Variants in PSD3 observed in about 807,000 individuals in gnomAD.
The protein encoded by PSD3 is pleckstrin and Sec7 domain containing 3.
In PSD3, 49 loss-of-function variants were observed where a neutral mutation model predicts 105.5. The ratio of observed to expected loss-of-function variants is 0.46; its 90% CI spans 0.37 to 0.59. The LOEUF (loss-of-function observed/expected upper bound fraction) is 0.59. Among genes scored for constraint, PSD3 ranks in the 20% least tolerant of loss-of-function variants. The pLI, the probability that PSD3 is intolerant of heterozygous loss-of-function variation, is 0.00. For synonymous variants in PSD3, 557 were observed against 457.8 expected, an observed-to-expected ratio of 1.22 and a Z score of -2.77; for missense variants, 1,561 against 1,263.8, an observed-to-expected ratio of 1.24 and a Z score of -3.57.
At position 18,900,813 on chromosome 8, in the gene PSD3, T is replaced by C. The variant is rs112589926; in HGVS notation, c.131-28080A>G. On this transcript the variant is annotated intron_variant, in intron 2 of 15. Transcript: ENST00000327040. ...CACCAACATGGAGATCACTTTTTAA[T>C]ACAACACATAATTTACTGGACAGAT... Among the ~76,000 whole-genome samples, 1,519 of 152,188 alleles carry C rather than the reference T, an allele frequency of 1.0e-2. 30 individuals carry two copies. The highest frequency in any genetic ancestry group is 0.035 in the African/African-American group (1,462 of 41,522).
rs192164145 is a variant in PSD3, at chr8:18,632,945, C to T, written c.2217-139G>A. ...ACCACCACCATGATAATGACAGACA[C>T]CATTTGTTAAATGTATTCTGTGTGC... On this transcript the variant is annotated intron_variant, in intron 10 of 15. Coordinates refer to ENST00000327040, the MANE Select transcript of PSD3 (RefSeq NM_015310.4). 354 of 664,890 alleles carry T rather than the reference C, an allele frequency of 5.3e-4. 1 individual carries two copies. In the African/African-American group the frequency reaches 6.2e-3, roughly 12 times the overall value. The allele number at this position is 664,890 out of a possible 1,614,324, so 41.2% of individuals were successfully genotyped here. A position where few individuals can be genotyped will look rare whatever the true frequency, so the allele number is the denominator to read the frequency against.
At chr8:18,575,434 A>G in intron 12 of PSD3, 149 bp from the exon 13 acceptor site, 1 of 717,272 alleles carries the variant, frequency 1.4e-6, no homozygotes. Flanking sequence ...AAACAACCTT[A>G]TAAATGTTAC....
intron 9 of PSD3, among the ~76,000 whole-genome samples, chr8:18,705,390 G>C (rs1801829412): frequency 6.6e-6 from 1 of 151,936 alleles, no homozygotes; most frequent in African/African-American, 2.4e-5. Context: ...AATTAGCTGG[G>C]TGTGGTGTCG....
intron 2 of PSD3, among the ~76,000 whole-genome samples, chr8:18,898,913 T>C (rs376433184): frequency 1.3e-3 from 198 of 152,236 alleles, no homozygotes; most frequent in African/African-American, 4.6e-3. Context: ...TCAGTGTAAA[T>C]GTACAGACAT....
intron 9 of PSD3, among the ~76,000 whole-genome samples, chr8:18,713,597 G>A (rs959937234): frequency 6.6e-6 from 1 of 152,054 alleles, no homozygotes; most frequent in African/African-American, 2.4e-5. Flanking sequence ...ACCTCTTCAA[G>A]GAGAACGACA....
chr8:19,072,313 C>T (rs2129477976), intron 1 of PSD3, among the ~76,000 whole-genome samples: 1 of 152,000 alleles, frequency 6.6e-6, no homozygotes, highest in South Asian at 2.1e-4. Context: ...TCTCGAACTC[C>T]TGAGCTCACG....
chr8:18,882,852 C>T (rs976257921), intron 2 of PSD3, among the ~76,000 whole-genome samples: 22 of 151,940 alleles, frequency 1.4e-4, no homozygotes, highest in Non-Finnish European at 2.4e-4. Context: ...TATATACACA[C>T]ACACACACAC....
chr8:19,074,842 G>A (rs888190951), intron 1 of PSD3, among the ~76,000 whole-genome samples: 3 of 151,526 alleles, frequency 2.0e-5, no homozygotes, highest in African/African-American at 7.3e-5. Context: ...GGATGGTCTC[G>A]ATCTCCTGAC....
At chr8:18,962,912 T>A (rs1824010226) in intron 1 of PSD3, among the ~76,000 whole-genome samples, 1 of 152,186 alleles carries the variant, frequency 6.6e-6, no homozygotes, top group Non-Finnish European at 1.5e-5. Flanking sequence ...AGATATGCCA[T>A]GGTCCTTGGA....
At chr8:18,583,063 T>C (rs1385247736) in intron 12 of PSD3, among the ~76,000 whole-genome samples, 1 of 152,068 alleles carries the variant, frequency 6.6e-6, no homozygotes, top group East Asian at 2.0e-4. Flanking sequence ...CCTGACCTCA[T>C]GATCCACCCG....
rs1293328595 is a variant in PSD3, at chr8:18,936,066, A to G, written c.98T>C (p.Phe33Ser). 2.5e-6 allele frequency: 4 copies of G among 1,613,372 alleles called. No homozygotes were observed. The Admixed American group carries it at 6.7e-5, about 27-fold the overall frequency. Residue 33 changes from phenylalanine to serine, a missense_variant, in exon 2 of 16, where the codon TTT becomes TCT. Transcript: ENST00000327040. ...TGGAGCTTTCCCTTCAGATCTGCCA[A>G]ATAAAAATTCATATTTGGCCTTGGC... ...SVAKAKYEFLFGRSEGKAPDT... is the reference protein window; with the variant it reads ...SVAKAKYEFLSGRSEGKAPDT...
At chr8:18,706,354 T>C (rs1801897931) in intron 9 of PSD3, among the ~76,000 whole-genome samples, 1 of 152,234 alleles carries the variant, frequency 6.6e-6, no homozygotes, top group African/African-American at 2.4e-5. Context: ...TGCTTATTTA[T>C]ATTTCCTAAT....
At chr8:18,652,743 G>A (rs1321754694) in intron 10 of PSD3, among the ~76,000 whole-genome samples, 2 of 151,884 alleles carry the variant, frequency 1.3e-5, no homozygotes, top group African/African-American at 4.8e-5. Flanking sequence ...AGTGATCCAG[G>A]CTCCTCAGCC....
Position 18,872,081 on chromosome 8 carries a change from G to A in PSD3, c.783C>T (p.His261=). 6.2e-7 allele frequency: 1 copy of A among 1,614,162 alleles called. No individual in the cohort carries two copies. Among genetic ancestry groups the A allele is most frequent in the Middle Eastern group, 1.7e-4 (1 of 6,060 alleles). ...TCAAGAAACCAACACTGCCTGCAGA[G>A]TGGCAGGTCACTGCTGAGCTCCCGA... The part of the protein sequence containing the change: ...ASLGSSAVTC[H]SAGSVGFLKE... The change falls in exon 3 of 16, where the codon CAC becomes CAT. Residue 261 remains histidine, a synonymous_variant. Coordinates refer to ENST00000327040, the MANE Select transcript of PSD3 (RefSeq NM_015310.4).
chr8:18,905,159 C>G (rs1364549139), intron 2 of PSD3, among the ~76,000 whole-genome samples: 1 of 152,112 alleles, frequency 6.6e-6, no homozygotes, highest in Non-Finnish European at 1.5e-5. Context: ...AAAAAGCTGC[C>G]TCTCCATTGG....
chr8:18,749,192 A>G (rs1187059772), intron 9 of PSD3, among the ~76,000 whole-genome samples: 1 of 152,192 alleles, frequency 6.6e-6, no homozygotes, highest in Non-Finnish European at 1.5e-5. Context: ...TAACACATGG[A>G]GTACATTCAA....
At chr8:18,562,079 G>A (rs12546918) in intron 14 of PSD3, among the ~76,000 whole-genome samples, 15,048 of 152,238 alleles carry the variant, frequency 0.099, 781 homozygotes, top group South Asian at 0.21. Context: ...GAATGAGAGA[G>A]AAGGCAGAGA....
chr8:18,831,663 A>C (rs1351640095), intron 4 of PSD3, among the ~76,000 whole-genome samples: 1 of 152,210 alleles, frequency 6.6e-6, no homozygotes, highest in Admixed American at 6.5e-5. Flanking sequence ...CGGAAGTTGC[A>C]GTAAGCTGAG....
At chr8:18,645,727 T>C (rs886570210) in intron 10 of PSD3, among the ~76,000 whole-genome samples, 1 of 152,160 alleles carries the variant, frequency 6.6e-6, no homozygotes, top group Admixed American at 6.5e-5. Flanking sequence ...CATTCTAGAA[T>C]TTCAATGAGG....
Sources: allele counts gnomAD v4.1 joint callset (sites outside exome capture counted in the v4.1 genomes callset), GRCh38; gene constraint gnomAD v4.1.1; transcripts MANE v1.5; gene names NCBI Gene and HGNC (gene_info 2026-07-23, HGNC 2026-07-21).